The following KCNC3 variants were observed in gnomAD, a reference collection of about 807,000 sequenced individuals.
The protein encoded by KCNC3 is potassium voltage-gated channel subfamily C member 3, also known as voltage-gated potassium channel KCNC3.
KCNC3 carries 22 observed loss-of-function variants against 43.9 expected under a neutral mutation model. The observed-to-expected ratio is 0.50, with a 90% CI of 0.36 to 0.72. KCNC3 has a LOEUF of 0.72. KCNC3 is among the 30% of genes least tolerant of loss of function. KCNC3 has a pLI of 0.00. For missense variants in KCNC3, 829 were observed against 1,073.8 expected (o/e 0.77, Z 3.19); for synonymous variants, 492 against 488.0 (o/e 1.01, Z -0.11).
At chr19:50,316,538 C>T (rs1202678646) in intron 4 of KCNC3, among the ~76,000 whole-genome samples, 1 of 151,962 alleles carries the variant, frequency 6.6e-6, no homozygotes, top group Non-Finnish European at 1.5e-5. Flanking sequence ...TCCAGGAGTT[C>T]GAGACCAGCC....
At chr19:50,320,864 G>T in intron 2 of KCNC3, 80 bp from the exon 3 acceptor site, 2 of 1,367,472 alleles carry the variant, frequency 1.5e-6, no homozygotes, top group Non-Finnish European at 1.0e-6. Flanking sequence ...AGATGTCTGC[G>T]AGGAGCAGAT....
At chr19:50,317,720 C>T (rs1384800067) in intron 4 of KCNC3, among the ~76,000 whole-genome samples, 1 of 152,184 alleles carries the variant, frequency 6.6e-6, no homozygotes, top group Non-Finnish European at 1.5e-5. Flanking sequence ...GGCCTGTGCA[C>T]TTGCTGTTTC....
chr19:50,320,256 A>C lies in KCNC3; in HGVS notation c.2264T>G (p.Ile755Arg). The C allele has an allele frequency of 1.2e-5, 10 of 852,204 alleles. No individual in the cohort carries two copies. The highest frequency in any genetic ancestry group is 4.5e-5 in the East Asian group (1 of 22,330). The allele number at this position is 852,204 out of a possible 1,614,324, so 52.8% of individuals were successfully genotyped here. A position where few individuals can be genotyped will look rare whatever the true frequency, so the allele number is the denominator to read the frequency against. The part of the protein sequence containing the change: ...PDLNANAAAW[I>R]SP ...GAGGGGGTTCGTCCACTAGGGGGAT[A>C]TCCAGGCCGCGGCGTTGGCGTTGAG... Residue 755 changes from isoleucine (I) to arginine (R), a missense_variant, in exon 4 of 5, where the codon ATA (isoleucine) becomes AGA (arginine). Physicochemically the swap from Ile to Arg is moderately conservative, Grantham distance 97 (BLOSUM62 -3). Around this residue, in one of 7 missense-constraint regions of KCNC3, gnomAD observed 308 missense variants for 276.2 expected, o/e 1.11. Coordinates refer to ENST00000477616, the MANE Select transcript of KCNC3 (RefSeq NM_004977.3).
intron 4 of KCNC3, among the ~76,000 whole-genome samples, chr19:50,319,572 T>C (rs1309982518): frequency 2.0e-5 from 3 of 152,194 alleles, no homozygotes; most frequent in Admixed American, 1.3e-4. Context: ...CTGCTCAACC[T>C]TAAGGCCCCA....
chr19:50,320,229 G>A lies in KCNC3; in HGVS notation c.*17C>T. ...GAGGGTGGGGGCTACTTACCCCGGG[G>A]GGAGGGGGTTCGTCCACTAGGGGGA... On this transcript the variant is annotated 3_prime_UTR_variant, in exon 4 of 5. Coordinates refer to ENST00000477616, the MANE Select transcript of KCNC3 (RefSeq NM_004977.3). 2.0e-6 allele frequency: 1 copy of A among 488,302 alleles called. No individual in the cohort carries two copies. The highest frequency in any genetic ancestry group is 3.3e-6 in the Non-Finnish European group (1 of 307,444). The allele number at this position is 488,302 out of a possible 1,614,324, so 30.2% of individuals were successfully genotyped here.
rs2036916013 is a variant in KCNC3, at chr19:50,314,270, C to CT, written c.*1844dup. ...CAACTCCGATCTGGGGCTTGGGTAA[C>CT]TGTTCCTCCTTCCCCTACACTGTTT... On this transcript the variant is annotated 3_prime_UTR_variant, in exon 5 of 5. Coordinates refer to ENST00000477616, the MANE Select transcript of KCNC3 (RefSeq NM_004977.3). 1 of 139,470 alleles carries CT rather than the reference C, an allele frequency of 7.2e-6. No homozygotes were observed. Among genetic ancestry groups the CT allele is most frequent in the African/African-American group, 2.6e-5 (1 of 38,026 alleles). The allele number at this position is 139,470 out of a possible 1,614,324, so 8.6% of individuals were successfully genotyped here.
chr19:50,322,719 T>A (rs746870423), intron 2 of KCNC3, among the ~76,000 whole-genome samples: 1 of 152,154 alleles, frequency 6.6e-6, no homozygotes. Flanking sequence ...TCTGCACAGC[T>A]GATGACACTG....
chr19:50,331,936 G>T (rs1008452719), upstream of KCNC3, among the ~76,000 whole-genome samples: 2 of 152,138 alleles, frequency 1.3e-5, no homozygotes, highest in Non-Finnish European at 2.9e-5. Context: ...ACTGCAGAGA[G>T]AGTTGCAGAA....
At chr19:50,327,987 G>A (rs1309778550) in intron 1 of KCNC3, among the ~76,000 whole-genome samples, 1 of 150,900 alleles carries the variant, frequency 6.6e-6, no homozygotes, top group African/African-American at 2.4e-5. Flanking sequence ...GGAGGGGTCT[G>A]GAAGAGCCCG....
At chr19:50,320,408 T>C in intron 3 of KCNC3, 59 bp from the exon 4 acceptor site, 1 of 548,460 alleles carries the variant, frequency 1.8e-6, no homozygotes, top group Non-Finnish European at 3.2e-6. Flanking sequence ...TAAAGACAGG[T>C]GAAGGGTCAG....
Position 50,324,432 on chromosome 19 carries a change from G to A in KCNC3, c.871-350C>T, listed in dbSNP as rs959446076. On this transcript the variant is annotated intron_variant, in intron 1 of 4. Coordinates refer to ENST00000477616, the MANE Select transcript of KCNC3 (RefSeq NM_004977.3). This position sits in a 1 kb window ranked among gnomAD's most constrained non-coding sequence, Gnocchi z 4.1. ...CTGTGTCCTATTTCAGGGCCCCCCA[G>A]CAGGGTCCACGGGTTCTGCTGTGGG... Among the ~76,000 whole-genome samples, 2 of 152,086 alleles carry A rather than the reference G, an allele frequency of 1.3e-5. No individual in the cohort carries two copies. Among genetic ancestry groups the A allele is most frequent in the Non-Finnish European group, 2.9e-5 (2 of 68,032 alleles).
Position 50,328,425 on chromosome 19 carries a change from GGGCGCCTGC to G in KCNC3, c.649_657del (p.Ala217_Ala219del), listed in dbSNP as rs2037134315. The G allele has an allele frequency of 6.5e-7, 1 of 1,527,842 alleles. No homozygotes were observed. Among genetic ancestry groups the G allele is most frequent in the Non-Finnish European group, 8.8e-7 (1 of 1,141,170 alleles). The allele number at this position is 1,527,842 out of a possible 1,614,324, so 94.6% of individuals were successfully genotyped here. A position where few individuals can be genotyped will look rare whatever the true frequency, so the allele number is the denominator to read the frequency against. On this transcript the variant is annotated inframe_deletion, in exon 1 of 5. Coordinates refer to ENST00000477616, the MANE Select transcript of KCNC3 (RefSeq NM_004977.3). ...GCCTCGTCGTCCAGGCCTCCGTCGT[GGGCGCCTGC>G]GGCGTTGGCGGCGTTGGCGGCGCCC...
Position 50,329,033 on chromosome 19 carries a change from C to A in KCNC3, c.50G>T (p.Ser17Ile). The change falls in exon 1 of 5, where the codon AGC becomes ATC. Residue 17 changes from serine to isoleucine, a missense_variant. By Grantham distance (142) the Ser-to-Ile change is moderately radical. Transcript: ENST00000477616. The part of the protein sequence containing the change: ...VSSFRGRQGA[S>I]KQQPAPPPQP... ...CGGCGGTGGCGCCGGCTGCTGCTTG[C>A]TGGCCCCCTGGCGCCCGCGGAAGGA... is the stretch of plus-strand genomic sequence containing the variant. The A allele has an allele frequency of 7.4e-7, 1 of 1,346,404 alleles. No individual in the cohort carries two copies. The allele number at this position is 1,346,404 out of a possible 1,614,324, so 83.4% of individuals were successfully genotyped here. A position where few individuals can be genotyped will look rare whatever the true frequency, so the allele number is the denominator to read the frequency against.
chr19:50,324,005 G>T lies in KCNC3; in HGVS notation c.948C>A (p.Ile316=). 2 of 1,611,646 alleles carry T rather than the reference G, an allele frequency of 1.2e-6. No homozygotes were observed. Among genetic ancestry groups the T allele is most frequent in the Non-Finnish European group, 1.7e-6 (2 of 1,178,058 alleles). Reference sequence around the variant, plus strand: ...GGGTCACCGTCTTGTTGCTAATATGGATGAAGCCCTCATGGGTTTCCAGGC... The same window carrying T: ...GGGTCACCGTCTTGTTGCTAATATGTATGAAGCCCTCATGGGTTTCCAGGC... ...TFCLETHEGF[I]HISNKTVTQA... is the part of the protein sequence containing the mutation. The change falls in exon 2 of 5, where the codon ATC becomes ATA. Residue 316 remains isoleucine, a synonymous_variant. Transcript: ENST00000477616. This position sits in a 1 kb window ranked among gnomAD's most constrained non-coding sequence, Gnocchi z 4.1.
At chr19:50,317,320 G>A (rs1040228804) in intron 4 of KCNC3, among the ~76,000 whole-genome samples, 2 of 152,078 alleles carry the variant, frequency 1.3e-5, no homozygotes, top group Non-Finnish European at 2.9e-5. Context: ...TCTGTGGCCT[G>A]GGGTGGTGGG....
chr19:50,319,836 C>T (rs961804368), intron 4 of KCNC3, among the ~76,000 whole-genome samples: 6 of 151,920 alleles, frequency 3.9e-5, no homozygotes, highest in Admixed American at 6.6e-5. Context: ...GGGGCATGGA[C>T]GGATGGCTGA....
Position 50,323,898 on chromosome 19 carries a change from T to C in KCNC3, c.1055A>G (p.Glu352Gly). Reference protein sequence around the residue: ...VETEPFLTYVEGVCVVWFTFE... With the variant: ...VETEPFLTYVGGVCVVWFTFE... ...GGTGAACCAGACCACGCACACCCCC[T>C]CCACGTAGGTCAGGAAGGGCTCCGT... Residue 352 changes from glutamate to glycine, a missense_variant, in exon 2 of 5, where the codon GAG (glutamate) becomes GGG (glycine). By Grantham distance (98) the Glu-to-Gly change is moderately conservative (BLOSUM62 -2). Transcript: ENST00000477616. 1 of 1,614,136 alleles carries C rather than the reference T, an allele frequency of 6.2e-7. No individual in the cohort carries two copies. Among genetic ancestry groups the C allele is most frequent in the Non-Finnish European group, 8.5e-7 (1 of 1,180,028 alleles).
rs1280101247 is a variant in KCNC3, at chr19:50,313,788, GA to G, written c.*2326del. ...GCATCCCAAAGGCTGAATTTGAGCT[GA>G]AAAGAGCTGGGTCAAGTCTTGGAGG... On this transcript the variant is annotated 3_prime_UTR_variant, in exon 5 of 5. Coordinates refer to ENST00000477616, the MANE Select transcript of KCNC3 (RefSeq NM_004977.3). 1 of 150,752 alleles carries G rather than the reference GA, an allele frequency of 6.6e-6. No individual in the cohort carries two copies. The highest frequency in any genetic ancestry group is 1.5e-5 in the Non-Finnish European group (1 of 67,816). The allele number at this position is 150,752 out of a possible 1,614,324, so 9.3% of individuals were successfully genotyped here.
At position 50,320,654 on chromosome 19, in the gene KCNC3, C is replaced by G. The variant is rs1391239712; in HGVS notation, c.2109G>C (p.Arg703=). 6.2e-7 allele frequency: 1 copy of G among 1,613,308 alleles called. No homozygotes were observed. Among genetic ancestry groups the G allele is most frequent in the Non-Finnish European group, 8.5e-7 (1 of 1,179,918 alleles). The change falls in exon 3 of 5, where the codon CGG becomes CGC. Residue 703 remains arginine (R), a synonymous_variant. Transcript: ENST00000477616. The part of the protein sequence containing the change: ...ITPGSRGRYS[R]DRACFLLTDY... ...CGGTGAGGAGGAAGCAGGCTCGGTC[C>G]CGGCTATAGCGGCCACGGCTTCCAG...
Sources: gnomAD v4.1 joint callset for allele counts (sites outside exome capture counted in the v4.1 genomes callset) on GRCh38, gnomAD v4.1.1 for gene constraint, gnomAD v4.1.1 regional missense constraint, Gnocchi (gnomAD v3.1) non-coding constraint, MANE v1.5 for transcripts, NCBI Gene and HGNC (gene_info 2026-07-23, HGNC 2026-07-21) for gene names.